HKDC1: variants seen among roughly 807,000 people sequenced by gnomAD.
The protein encoded by HKDC1 is hexokinase domain containing 1, also known as hexokinase HKDC1.
In HKDC1, 66 loss-of-function variants were observed where a neutral mutation model predicts 96.6. That is an observed-to-expected ratio of 0.68 (90% CI 0.56 to 0.84). The LOEUF (loss-of-function observed/expected upper bound fraction) is 0.84, where lower values mean the gene tolerates loss of function less well. HKDC1 is among the 40% of genes least tolerant of loss of function. The probability of loss-of-function intolerance (pLI) is 0.00; values close to 1 mark genes in which losing one functional copy is unlikely to be tolerated. For synonymous variants in HKDC1, 466 were observed against 473.1 expected, an observed-to-expected ratio of 0.98 and a Z score of 0.20; for missense variants, 1,211 against 1,208.1, an observed-to-expected ratio of 1.00 and a Z score of -0.04.
At chr10:69,242,299 T>C (rs1843466481) in intron 6 of HKDC1, among the ~76,000 whole-genome samples, 2 of 152,146 alleles carry the variant, frequency 1.3e-5, no homozygotes, top group Admixed American at 6.5e-5. Flanking sequence ...GGGCCACGCC[T>C]AAACAGTGTC....
intron 4 of HKDC1, 103 bp from the exon 5 acceptor site, chr10:69,238,934 TAGAGA>T (rs1283721454): frequency 1.5e-6 from 1 of 670,014 alleles, no homozygotes; most frequent in Admixed American, 2.9e-5. Flanking sequence ...TGATTCAGCT[TAGAGA>T]AGAGAAGGCC....
In HKDC1 at chr10:69,261,302, G is replaced by A. The variant is rs775847401; in HGVS notation, c.2372+8G>A. The A allele has an allele frequency of 6.8e-6, 11 of 1,612,724 alleles. No individual in the cohort carries two copies. Among genetic ancestry groups the A allele is most frequent in the Admixed American group, 3.3e-5 (2 of 59,974 alleles). On this transcript the variant is annotated splice_region_variant and intron_variant, in intron 16 of 17. Transcript: ENST00000354624. ...CCTGTCCCAGATCGAAAGGTGACCT[G>A]TGATCAAGTTCATCATGAGGCTCTG...
In HKDC1 at chr10:69,248,597, C is replaced by T. The variant is rs769189242; in HGVS notation, c.1439C>T (p.Thr480Ile). The T allele has an allele frequency of 6.2e-7, 1 of 1,614,130 alleles. No individual in the cohort carries two copies. Among genetic ancestry groups the T allele is most frequent in the South Asian group, 1.1e-5 (1 of 91,074 alleles). ...IDRVLALFQL[T>I]REQLVDVQAK... ...AGGGTGCTGGCTTTGTTCCAGCTGA[C>T]CCGAGAGCAGCTCGTGGACGTGCAG... Residue 480 changes from threonine (T) to isoleucine (I), a missense_variant, in exon 10 of 18, where the codon ACC (threonine) becomes ATC (isoleucine). Coordinates refer to ENST00000354624, the MANE Select transcript of HKDC1 (RefSeq NM_025130.4).
At chr10:69,248,897 C>A in intron 10 of HKDC1, 169 bp downstream of exon 10, 1 of 654,576 alleles carries the variant, frequency 1.5e-6, no homozygotes, top group Non-Finnish European at 2.5e-6. Flanking sequence ...CTTTGTTAAC[C>A]CAAGGCATTT....
At chr10:69,225,639 C>T (rs958169840) in intron 1 of HKDC1, among the ~76,000 whole-genome samples, 10 of 152,070 alleles carry the variant, frequency 6.6e-5, no homozygotes, top group Non-Finnish European at 1.0e-4. Context: ...GGCTGATGAC[C>T]GGGCCCCTGT....
In HKDC1 at chr10:69,243,224, T is replaced by C; in HGVS notation, c.734T>C (p.Ile245Thr). The change falls in exon 7 of 18, where the codon ATT (isoleucine) becomes ACT (threonine). Residue 245 changes from isoleucine (I) to threonine (T), a missense_variant. Transcript: ENST00000354624. ...NACYMEDMSN[I>T]DLVEGDEGRM... is the part of the protein sequence containing the mutation. ...TGTTACATGGAGGACATGAGCAACATTGACCTGGTGGAGGGCGACGAGGGC... is the reference window on the plus strand; with the variant it reads ...TGTTACATGGAGGACATGAGCAACACTGACCTGGTGGAGGGCGACGAGGGC... 5 of 1,614,184 alleles carry C rather than the reference T, an allele frequency of 3.1e-6. No individual in the cohort carries two copies. Among genetic ancestry groups the C allele is most frequent in the Non-Finnish European group, 4.2e-6 (5 of 1,180,030 alleles).
rs189565255 is a variant in HKDC1, at chr10:69,249,557, G to A, written c.1571-733G>A. Among the ~76,000 whole-genome samples, 54 of 152,256 alleles carry A rather than the reference G, an allele frequency of 3.5e-4. 1 individual carries two copies. The highest frequency in any genetic ancestry group is 1.2e-3 in the African/African-American group (50 of 41,550). Reference sequence around the variant, plus strand: ...GTCACCCAGGCTGGAGTGCAGTAGCGTGATCTCCGCTCACTGCAAGCTCCG... The same window carrying A: ...GTCACCCAGGCTGGAGTGCAGTAGCATGATCTCCGCTCACTGCAAGCTCCG... On this transcript the variant is annotated intron_variant, in intron 10 of 17. Coordinates refer to ENST00000354624, the MANE Select transcript of HKDC1 (RefSeq NM_025130.4).
chr10:69,256,896 T>C (rs1843723993), intron 12 of HKDC1, 140 bp from the exon 13 acceptor site: 1 of 666,120 alleles, frequency 1.5e-6, no homozygotes, highest in Non-Finnish European at 2.8e-6. Flanking sequence ...AGGGTTAGGG[T>C]TGTGGAGGTG....
chr10:69,261,868 T>G (rs138038968), intron 16 of HKDC1, among the ~76,000 whole-genome samples: 1 of 152,378 alleles, frequency 6.6e-6, no homozygotes, highest in Admixed American at 6.5e-5. Context: ...GAAGAAACTG[T>G]TGTCTTATCT....
At chr10:69,228,102 G>C (rs940429082) in intron 2 of HKDC1, among the ~76,000 whole-genome samples, 3 of 152,184 alleles carry the variant, frequency 2.0e-5, no homozygotes, top group African/African-American at 7.2e-5. Flanking sequence ...GTCTCACTGG[G>C]CCAAAATTCA....
At chr10:69,252,386 C>T (rs1262322915) in intron 12 of HKDC1, among the ~76,000 whole-genome samples, 7 of 152,062 alleles carry the variant, frequency 4.6e-5, no homozygotes, top group African/African-American at 1.4e-4. Flanking sequence ...TGGCTCATGC[C>T]TATAATCCTA....
At chr10:69,229,318 G>A (rs1299304612) in intron 2 of HKDC1, among the ~76,000 whole-genome samples, 3 of 152,236 alleles carry the variant, frequency 2.0e-5, no homozygotes, top group African/African-American at 7.2e-5. Context: ...CTGGGACACT[G>A]CACTGGGAAA....
chr10:69,250,388 A>G lies in HKDC1; in HGVS notation c.1669A>G (p.Lys557Glu), dbSNP rs1843621146. Reference protein sequence around the residue: ...SGRRSVRMYNKIFAIPLEIMQ... With the variant: ...SGRRSVRMYNEIFAIPLEIMQ... ...ACGGAGGTCAGTGCGAATGTACAACAAGATCTTCGCCATCCCCCTGGAGAT... is the reference window on the plus strand; with the variant it reads ...ACGGAGGTCAGTGCGAATGTACAACGAGATCTTCGCCATCCCCCTGGAGAT... The change falls in exon 11 of 18, where the codon AAG (lysine) becomes GAG (glutamate). Residue 557 changes from lysine (K) to glutamate (E), a missense_variant. Physicochemically the swap from Lys to Glu is moderately conservative, Grantham distance 56. Transcript: ENST00000354624. 6.2e-7 allele frequency: 1 copy of G among 1,614,098 alleles called. No individual in the cohort carries two copies. The highest frequency in any genetic ancestry group is 8.5e-7 in the Non-Finnish European group (1 of 1,179,966).
At chr10:69,236,717 T>C (rs1589406773) in intron 4 of HKDC1, among the ~76,000 whole-genome samples, 1 of 151,356 alleles carries the variant, frequency 6.6e-6, no homozygotes, top group African/African-American at 2.4e-5. Flanking sequence ...GAGGCGGAGG[T>C]TGCAGTGAGC....
In HKDC1 at chr10:69,250,380, T is replaced by C. The variant is rs1307197415; in HGVS notation, c.1661T>C (p.Met554Thr). 3 of 1,614,122 alleles carry C rather than the reference T, an allele frequency of 1.9e-6. No individual in the cohort carries two copies. The highest frequency in any genetic ancestry group is 1.7e-6 in the Non-Finnish European group (2 of 1,179,976). The change falls in exon 11 of 18, where the codon ATG becomes ACG. Residue 554 changes from methionine to threonine, a missense_variant. Physicochemically the swap from Met to Thr is moderately conservative, Grantham distance 81. Transcript: ENST00000354624. ...AGAAGTGGACGGAGGTCAGTGCGAA[T>C]GTACAACAAGATCTTCGCCATCCCC... ...KIRSGRRSVR[M>T]YNKIFAIPLE...
chr10:69,236,883 C>G (rs557039743), intron 4 of HKDC1, among the ~76,000 whole-genome samples: 3 of 152,052 alleles, frequency 2.0e-5, no homozygotes, highest in Non-Finnish European at 4.4e-5. Context: ...CGCAAACTGC[C>G]TTTCAATAAA....
chr10:69,250,404 C>G lies in HKDC1; in HGVS notation c.1685C>G (p.Pro562Arg), dbSNP rs1418714598. 1.2e-6 allele frequency: 2 copies of G among 1,613,956 alleles called. No homozygotes were observed. The highest frequency in any genetic ancestry group is 1.7e-6 in the Non-Finnish European group (2 of 1,179,826). ...ATGTACAACAAGATCTTCGCCATCCCCCTGGAGATCATGCAGGGCACTGGT... is the reference window on the plus strand; with the variant it reads ...ATGTACAACAAGATCTTCGCCATCCGCCTGGAGATCATGCAGGGCACTGGT... ...VRMYNKIFAI[P>R]LEIMQGTGEE... Residue 562 changes from proline (P) to arginine (R), a missense_variant, in exon 11 of 18, where the codon CCC (proline) becomes CGC (arginine). Physicochemically the swap from Pro to Arg is moderately radical, Grantham distance 103. Transcript: ENST00000354624.
chr10:69,243,398 G>T, intron 7 of HKDC1, 33 bp downstream of exon 7: 1 of 1,521,548 alleles, frequency 6.6e-7, no homozygotes, highest in Non-Finnish European at 8.8e-7. Context: ...CTGGGCATCG[G>T]CACCAGGCAG....
intron 8 of HKDC1, among the ~76,000 whole-genome samples, chr10:69,247,108 G>A (rs937957971): frequency 7.2e-5 from 11 of 152,242 alleles, no homozygotes; most frequent in Non-Finnish European, 1.6e-4. Context: ...GGTAATGACG[G>A]TGCCTCCCGC....
Sources: gnomAD v4.1 joint callset for allele counts (sites outside exome capture counted in the v4.1 genomes callset) on GRCh38, gnomAD v4.1.1 for gene constraint, MANE v1.5 for transcripts, NCBI Gene and HGNC (gene_info 2026-07-23, HGNC 2026-07-21) for gene names.